The following TMEM135 variants were observed in gnomAD, a reference collection of about 807,000 sequenced individuals.
TMEM135 encodes the protein peroxisomal membrane protein 52.
A neutral mutation model predicts 60.3 loss-of-function variants in TMEM135; 30 were observed. The observed-to-expected ratio is 0.50, with a 90% CI of 0.37 to 0.68. TMEM135 has a LOEUF of 0.68. Ranked by LOEUF, TMEM135 falls within the 30% of genes least tolerant of loss-of-function variation. The pLI is 0.00. For synonymous variants in TMEM135, 190 were observed against 186.7 expected (o/e 1.02, Z -0.14); for missense variants, 468 against 548.8 (o/e 0.85, Z 1.47).
intron 1 of TMEM135, among the ~76,000 whole-genome samples, chr11:87,039,710 A>G (rs1015467628): frequency 6.6e-6 from 1 of 152,242 alleles, no homozygotes; most frequent in African/African-American, 2.4e-5. Flanking sequence ...TTGATATACA[A>G]CTATAGAAAA....
At chr11:87,054,426 C>T (rs1949872440) in intron 1 of TMEM135, among the ~76,000 whole-genome samples, 1 of 151,768 alleles carries the variant, frequency 6.6e-6, no homozygotes, top group African/African-American at 2.4e-5. Flanking sequence ...GAGTGAGACT[C>T]TGTCTCAAAA....
At chr11:87,082,725 A>T (rs1399710559) in intron 3 of TMEM135, among the ~76,000 whole-genome samples, 1 of 152,244 alleles carries the variant, frequency 6.6e-6, no homozygotes, top group Non-Finnish European at 1.5e-5. Flanking sequence ...GCCAGTTGTC[A>T]ATTGAAATGT....
intron 6 of TMEM135, among the ~76,000 whole-genome samples, chr11:87,264,727 A>T (rs181853722): frequency 2.6e-4 from 40 of 152,024 alleles, no homozygotes; most frequent in Admixed American, 9.2e-4. Context: ...AGTCTTCCAG[A>T]TCTATGGTAG....
chr11:87,041,750 G>C (rs139228042), intron 1 of TMEM135, among the ~76,000 whole-genome samples: 17 of 152,202 alleles, frequency 1.1e-4, no homozygotes, highest in Admixed American at 1.1e-3. Context: ...ATGAGTGAAG[G>C]TATGAATGAA....
At chr11:87,130,232 G>A (rs481278) in intron 4 of TMEM135, among the ~76,000 whole-genome samples, 52,782 of 150,750 alleles carry the variant, frequency 0.35, 9,629 homozygotes, top group East Asian at 0.61. Context: ...CAGTGATATC[G>A]AGGGCCCAGG....
chr11:87,136,388 T>G (rs613715), intron 4 of TMEM135, among the ~76,000 whole-genome samples: 1 of 151,842 alleles, frequency 6.6e-6, no homozygotes, highest in South Asian at 2.1e-4. Flanking sequence ...TATATATTGT[T>G]GGATTCAGTG....
In TMEM135 at chr11:87,045,122, C is replaced by T. The variant is rs538340161; in HGVS notation, c.141+6936C>T. On this transcript the variant is annotated intron_variant, in intron 1 of 14. Transcript: ENST00000305494. ...TAGGCTTACTGCAAGCTGCGCCTCCCGGGTTCATGCAATTCTCCTGCCTCA... is the reference window on the plus strand; with the variant it reads ...TAGGCTTACTGCAAGCTGCGCCTCCTGGGTTCATGCAATTCTCCTGCCTCA... Among the ~76,000 whole-genome samples, 36 of 151,900 alleles carry T rather than the reference C, an allele frequency of 2.4e-4. No homozygotes were observed. The South Asian group carries it at 5.8e-3, about 25-fold the overall frequency.
intron 4 of TMEM135, among the ~76,000 whole-genome samples, chr11:87,098,460 T>C (rs1475406075): frequency 1.3e-5 from 2 of 152,154 alleles, no homozygotes; most frequent in Admixed American, 6.5e-5. Flanking sequence ...TTGTGGTACA[T>C]AGATGAAGTA....
intron 10 of TMEM135, 64 bp downstream of exon 10, chr11:87,309,736 A>G: frequency 6.5e-7 from 1 of 1,540,660 alleles, no homozygotes; most frequent in Non-Finnish European, 8.9e-7. Flanking sequence ...TTAGAATGAG[A>G]GATGGCCTTA....
intron 5 of TMEM135, among the ~76,000 whole-genome samples, chr11:87,163,696 C>G (rs1255808582): frequency 6.7e-6 from 1 of 149,844 alleles, no homozygotes; most frequent in African/African-American, 2.5e-5. Flanking sequence ...CTCTCCAGCA[C>G]CTGTTGTTTC....
At chr11:87,176,293 A>T (rs1041862786) in intron 5 of TMEM135, among the ~76,000 whole-genome samples, 1 of 152,078 alleles carries the variant, frequency 6.6e-6, no homozygotes, top group African/African-American at 2.4e-5. Flanking sequence ...TCCCCATGTG[A>T]TGTCTTCACA....
At chr11:87,066,525 T>C (rs1856657359) in intron 1 of TMEM135, among the ~76,000 whole-genome samples, 1 of 151,326 alleles carries the variant, frequency 6.6e-6, no homozygotes, top group Admixed American at 6.6e-5. Context: ...TGTCTATCCA[T>C]ATAATTGCTA....
chr11:87,313,682 G>C (rs1418772942), intron 11 of TMEM135, among the ~76,000 whole-genome samples, 194 bp downstream of exon 11: 2 of 151,704 alleles, frequency 1.3e-5, no homozygotes, highest in African/African-American at 4.8e-5. Context: ...GATGTTTTGA[G>C]TTGGCAATAT....
intron 5 of TMEM135, among the ~76,000 whole-genome samples, chr11:87,221,739 TAC>T (rs1482260359): frequency 6.6e-6 from 1 of 152,242 alleles, no homozygotes. Flanking sequence ...AATGTGATTT[TAC>T]AGTTTCACTA....
chr11:87,246,642 G>A lies in TMEM135; in HGVS notation c.509+9958G>A, dbSNP rs1209991391. ...GATACCCTTTTTTCCAGTTGATTGT[G>A]TCGGCTCCTGAGGCTTCTGCATTCT... On this transcript the variant is annotated intron_variant, in intron 6 of 14. Transcript: ENST00000305494. 3.3e-5 allele frequency among the ~76,000 whole-genome samples: 5 copies of A among 150,020 alleles called. No individual in the cohort carries two copies. The East Asian group carries it at 9.7e-4, about 29-fold the overall frequency.
chr11:87,042,001 T>TC (rs1949753946), intron 1 of TMEM135, among the ~76,000 whole-genome samples: 1 of 152,150 alleles, frequency 6.6e-6, no homozygotes, highest in African/African-American at 2.4e-5. Context: ...TGGAGAGCTT[T>TC]CCCCTTGGCC....
At chr11:87,065,608 C>T (rs1355997512) in intron 1 of TMEM135, among the ~76,000 whole-genome samples, 1 of 152,148 alleles carries the variant, frequency 6.6e-6, no homozygotes, top group Non-Finnish European at 1.5e-5. Flanking sequence ...TTCTTCTCTT[C>T]TGGAGCTTGC....
chr11:87,217,927 G>A (rs1346944923), intron 5 of TMEM135, among the ~76,000 whole-genome samples: 1 of 152,148 alleles, frequency 6.6e-6, no homozygotes, highest in Non-Finnish European at 1.5e-5. Flanking sequence ...TGGAGAAGAG[G>A]ATGGATTAGA....
chr11:87,205,534 G>C (rs1035592803), intron 5 of TMEM135, among the ~76,000 whole-genome samples: 5 of 152,142 alleles, frequency 3.3e-5, no homozygotes, highest in Admixed American at 3.3e-4. Flanking sequence ...GGATGGAATA[G>C]GGTAGAAGTT....
Sources: allele counts gnomAD v4.1 joint callset (sites outside exome capture counted in the v4.1 genomes callset), GRCh38; gene constraint gnomAD v4.1.1; transcripts MANE v1.5; gene names NCBI Gene and HGNC (gene_info 2026-07-23, HGNC 2026-07-21).